IQCE: variants seen among roughly 807,000 people sequenced by gnomAD.
IQCE encodes the protein IQ domain-containing protein E.
A neutral mutation model predicts 96.0 loss-of-function variants in IQCE; 115 were observed. The ratio of observed to expected loss-of-function variants is 1.20; its 90% CI spans 1.03 to 1.40. IQCE has a LOEUF of 1.40. Ranked by LOEUF, IQCE falls within the 40% of genes most tolerant of loss-of-function variation. The pLI is 0.00. For synonymous variants in IQCE, 412 were observed against 371.2 expected (o/e 1.11, Z -1.26); for missense variants, 1,041 against 909.1 (o/e 1.15, Z -1.87).
chr7:2,593,939 A>G (rs1354890021), intron 15 of IQCE, among the ~76,000 whole-genome samples: 3 of 152,262 alleles, frequency 2.0e-5, no homozygotes, highest in Non-Finnish European at 4.4e-5. Flanking sequence ...AGCACTCAGA[A>G]TAATTAGTAA....
rs1785083257 is a variant in IQCE, at chr7:2,611,110, T to TGGCTGGGCTGAGCTGGGCTG, written c.*958_*959insAGCTGGGCTGGGCTGGGCTG. The TGGCTGGGCTGAGCTGGGCTG allele has an allele frequency of 2.7e-5, 1 of 36,606 alleles. No individual in the cohort carries two copies. Among genetic ancestry groups the TGGCTGGGCTGAGCTGGGCTG allele is most frequent in the Admixed American group, 2.5e-4 (1 of 4,038 alleles). The allele number at this position is 36,606 out of a possible 1,614,324, so 2.3% of individuals were successfully genotyped here. A position where few individuals can be genotyped will look rare whatever the true frequency, so the allele number is the denominator to read the frequency against. On this transcript the variant is annotated 3_prime_UTR_variant, in exon 22 of 22. Coordinates refer to ENST00000402050, the MANE Select transcript of IQCE (RefSeq NM_152558.5). ...GCGGCCTCTGCACTCCCAAGCTCCA[T>TGGCTGGGCTGAGCTGGGCTG]GGCTGGGCTGGGCTGGGCTGGGCTG...
intron 21 of IQCE, among the ~76,000 whole-genome samples, chr7:2,609,119 C>G (rs537494874): frequency 6.6e-5 from 10 of 152,254 alleles, no homozygotes; most frequent in Non-Finnish European, 1.2e-4. Context: ...TTCTTCAGCT[C>G]TGGTACCCAC....
rs768896223 is a variant in IQCE at position 2,573,632 on chromosome 7, G to A, written c.465+144G>A. The A allele has an allele frequency of 4.2e-5, 23 of 545,920 alleles. No homozygotes were observed. In the South Asian group the frequency reaches 5.4e-4, roughly 13 times the overall value. 33.8% of individuals were successfully genotyped at this position (545,920 alleles called of 1,614,324 possible). On this transcript the variant is annotated intron_variant, in intron 6 of 21. Transcript: ENST00000402050. ...GTCGAACCTGAGTTTGAGCCGTGGCGTAGTGCCCTAGGAGCTGGTGTCCCT... is the reference window on the plus strand; with the variant it reads ...GTCGAACCTGAGTTTGAGCCGTGGCATAGTGCCCTAGGAGCTGGTGTCCCT...
At chr7:2,601,319 G>A in intron 17 of IQCE, 122 bp from the exon 18 acceptor site, 1 of 705,210 alleles carries the variant, frequency 1.4e-6, no homozygotes, top group Non-Finnish European at 2.5e-6. Flanking sequence ...GGAGGGAGGA[G>A]CCAGGGCAGC....
chr7:2,597,233 C>G (rs1293090647), intron 16 of IQCE: 1 of 426,128 alleles, frequency 2.3e-6, no homozygotes, highest in African/African-American at 2.0e-5. Flanking sequence ...GCACCTGGCC[C>G]TGGGTGATTA....
Position 2,586,235 on chromosome 7 carries a change from C to T in IQCE, c.852C>T (p.Ala284=). The T allele has an allele frequency of 6.2e-7, 1 of 1,613,868 alleles. No homozygotes were observed. The highest frequency in any genetic ancestry group is 1.1e-5 in the South Asian group (1 of 91,056). The change falls in exon 12 of 22, where the codon GCC becomes GCT. Residue 284 remains alanine (A), a synonymous_variant. Coordinates refer to ENST00000402050, the MANE Select transcript of IQCE (RefSeq NM_152558.5). ...CCCTGGGGGAGAAGAAGACGGGCGC[C>T]AAAAGGCAGAAGAAGATGGGCAGTG... The part of the protein sequence containing the change: ...KKPLGEKKTG[A]KRQKKMGSAL...
chr7:2,599,079 C>T (rs36095476), intron 17 of IQCE, among the ~76,000 whole-genome samples: 3 of 152,224 alleles, frequency 2.0e-5, no homozygotes, highest in Non-Finnish European at 4.4e-5. Context: ...TCGGTCACGG[C>T]GGTTCTCAGT....
chr7:2,589,994 C>A lies in IQCE; in HGVS notation c.1132C>A (p.Leu378Met). 7.4e-6 allele frequency: 12 copies of A among 1,613,958 alleles called. No individual in the cohort carries two copies. Among genetic ancestry groups the A allele is most frequent in the Non-Finnish European group, 1.0e-5 (12 of 1,180,020 alleles). ...AGCCTGCCTTGCATCCAGCTCTGCGCTGCACAGACAGCCACGAGGGGACCG... is the reference window on the plus strand; with the variant it reads ...AGCCTGCCTTGCATCCAGCTCTGCGATGCACAGACAGCCACGAGGGGACCG... ...PPACLASSSA[L>M]HRQPRGDRNK... Residue 378 changes from leucine to methionine, a missense_variant, in exon 14 of 22, where the codon CTG becomes ATG. Coordinates refer to ENST00000402050, the MANE Select transcript of IQCE (RefSeq NM_152558.5).
Position 2,584,233 on chromosome 7 carries a change from C to T in IQCE, c.775-3C>T. The T allele has an allele frequency of 1.2e-6, 2 of 1,613,356 alleles. No individual in the cohort carries two copies. Among genetic ancestry groups the T allele is most frequent in the Non-Finnish European group, 1.7e-6 (2 of 1,179,230 alleles). On this transcript the variant is annotated splice_region_variant and splice_polypyrimidine_tract_variant and intron_variant, in intron 10 of 21. Transcript: ENST00000402050. ...TTCATGCATTTCAATTTGGTATTTA[C>T]AGGTGCATCGTCTCCAGACCCTCTT...
chr7:2,592,815 C>T (rs1171143315), intron 14 of IQCE, among the ~76,000 whole-genome samples: 5 of 152,242 alleles, frequency 3.3e-5, no homozygotes, highest in Non-Finnish European at 7.3e-5. Context: ...CCCCTGCACA[C>T]AGCAGGTGCT....
Position 2,590,342 on chromosome 7 carries a change from A to T in IQCE, c.1244+236A>T, listed in dbSNP as rs560882773. Among the ~76,000 whole-genome samples, 129 of 152,258 alleles carry T rather than the reference A, an allele frequency of 8.5e-4. 4 individuals are homozygous for T. In the South Asian group the frequency reaches 0.025, roughly 30 times the overall value. ...CAGCTCTCACTCCCTATGGAAACTG[A>T]TTGTTGCCGGGGTTAAACAATTGTC... On this transcript the variant is annotated intron_variant, in intron 14 of 21. Coordinates refer to ENST00000402050, the MANE Select transcript of IQCE (RefSeq NM_152558.5).
In IQCE at chr7:2,589,974, G is replaced by T; in HGVS notation, c.1112G>T (p.Cys371Phe). 6.2e-7 allele frequency: 1 copy of T among 1,613,988 alleles called. No individual in the cohort carries two copies. Among genetic ancestry groups the T allele is most frequent in the Non-Finnish European group, 8.5e-7 (1 of 1,180,018 alleles). ...AEPVRSHPPA[C>F]LASSSALHRQ... is the part of the protein sequence containing the mutation. The stretch of plus-strand genomic sequence containing the variant: ...CCAGTCAGATCACACCCGCCAGCCT[G>T]CCTTGCATCCAGCTCTGCGCTGCAC... The change falls in exon 14 of 22, where the codon TGC (cysteine) becomes TTC (phenylalanine). Residue 371 changes from cysteine to phenylalanine, a missense_variant. Transcript: ENST00000402050.
chr7:2,608,548 G>C (rs1784977449), intron 21 of IQCE, among the ~76,000 whole-genome samples: 1 of 152,230 alleles, frequency 6.6e-6, no homozygotes, highest in African/African-American at 2.4e-5. Flanking sequence ...AGCAGCCTGG[G>C]GTTTCGGGGA....
chr7:2,582,001 C>T (rs995490544), intron 8 of IQCE: 52 of 458,434 alleles, frequency 1.1e-4, no homozygotes, highest in Admixed American at 7.1e-4. Context: ...CGTGAGCCAC[C>T]GCGCCCGGCA....
Position 2,559,318 on chromosome 7 carries a change from G to C in IQCE, c.36+101G>C, listed in dbSNP as rs934633195. On this transcript the variant is annotated intron_variant, in intron 1 of 21. Transcript: ENST00000402050. The stretch of plus-strand genomic sequence containing the variant: ...GGGCCCCGCGCAGGGGCCGGCCCGG[G>C]GCGTGAGGACGGGGCGCACGGCCGG... 31 of 614,994 alleles carry C rather than the reference G, an allele frequency of 5.0e-5. No homozygotes were observed. In the Middle Eastern group the frequency reaches 2.2e-3, roughly 44 times the overall value. The allele number at this position is 614,994 out of a possible 1,614,324, so 38.1% of individuals were successfully genotyped here.
intron 18 of IQCE, among the ~76,000 whole-genome samples, chr7:2,603,743 C>T (rs1346766279): frequency 6.6e-6 from 1 of 152,170 alleles, no homozygotes; most frequent in East Asian, 1.9e-4. Context: ...CTGCCTCGCC[C>T]TCCTTTGCTG....
intron 1 of IQCE, among the ~76,000 whole-genome samples, chr7:2,564,894 A>G (rs1781247224): frequency 1.3e-5 from 2 of 152,166 alleles, no homozygotes; most frequent in Admixed American, 6.5e-5. Flanking sequence ...GGCCCTGCCA[A>G]CACCTTGATT....
At chr7:2,574,203 T>G (rs115520270) in intron 6 of IQCE, among the ~76,000 whole-genome samples, 1,548 of 152,308 alleles carry the variant, frequency 0.01, 20 homozygotes, top group African/African-American at 0.035. Flanking sequence ...ATAATTTTAG[T>G]CTGTTTATAC....
In IQCE at chr7:2,598,263, C is replaced by T. The variant is rs1436834147; in HGVS notation, c.1441-202C>T. 40 of 506,444 alleles carry T rather than the reference C, an allele frequency of 7.9e-5. No homozygotes were observed. The East Asian group carries it at 1.2e-3, about 16-fold the overall frequency. 31.4% of individuals were successfully genotyped at this position (506,444 alleles called of 1,614,324 possible). Reference sequence around the variant, plus strand: ...AAGCACGTCTGCACTTGTGTGCTCGCCTAGACGCTGTCTCTCAGCAGTACA... The same window carrying T: ...AAGCACGTCTGCACTTGTGTGCTCGTCTAGACGCTGTCTCTCAGCAGTACA... On this transcript the variant is annotated intron_variant, in intron 16 of 21. Transcript: ENST00000402050.
Sources: allele counts gnomAD v4.1 joint callset (sites outside exome capture counted in the v4.1 genomes callset), GRCh38; gene constraint gnomAD v4.1.1; transcripts MANE v1.5; gene names NCBI Gene and HGNC (gene_info 2026-07-23, HGNC 2026-07-21).